The following WWC1 variants were observed in gnomAD, a reference collection of about 807,000 sequenced individuals.
The protein encoded by WWC1 is WW and C2 domain containing 1, also known as protein KIBRA.
In WWC1, 55 loss-of-function variants were observed where a neutral mutation model predicts 138.4. The observed-to-expected ratio is 0.40, with a 90% CI of 0.32 to 0.50. The LOEUF is 0.50. Among genes scored for constraint, WWC1 ranks in the 20% least tolerant of loss-of-function variants. The pLI, the probability that WWC1 is intolerant of heterozygous loss-of-function variation, is 0.72. For missense variants in WWC1, 1,226 were observed against 1,420.4 expected (o/e 0.86, Z 2.20); for synonymous variants, 524 against 564.9 (o/e 0.93, Z 1.03).
chr5:168,366,546 G>A lies in WWC1; in HGVS notation c.120-4878G>A, dbSNP rs1417977599. ...CTGCTTTATTTCTCTTGGGCACAGT[G>A]TCTGTGTTCACTGCAAGTGGAATCA... On this transcript the variant is annotated intron_variant, in intron 1 of 22. Transcript: ENST00000265293. 5.3e-5 allele frequency among the ~76,000 whole-genome samples: 8 copies of A among 152,260 alleles called. No individual in the cohort carries two copies. In the East Asian group the frequency reaches 9.7e-4, roughly 18 times the overall value.
chr5:168,352,108 G>T (rs2152789706), intron 1 of WWC1, among the ~76,000 whole-genome samples: 1 of 152,266 alleles, frequency 6.6e-6, no homozygotes, highest in East Asian at 1.9e-4. Context: ...ACAAGGCCTG[G>T]CCCATGGCAA....
intron 16 of WWC1, among the ~76,000 whole-genome samples, chr5:168,442,500 T>C (rs992923312): frequency 2.7e-5 from 4 of 149,796 alleles, no homozygotes; most frequent in African/African-American, 9.8e-5. Flanking sequence ...TGAAGAAATA[T>C]ATGTAAAGAG....
At chr5:168,388,640 G>A (rs1403264311) in intron 3 of WWC1, among the ~76,000 whole-genome samples, 5 of 152,054 alleles carry the variant, frequency 3.3e-5, no homozygotes, top group Non-Finnish European at 7.4e-5. Flanking sequence ...GACCAGCCTG[G>A]CCAACATGGT....
chr5:168,406,265 G>T lies in WWC1; in HGVS notation c.658G>T (p.Glu220Ter). The T allele has an allele frequency of 6.2e-7, 1 of 1,614,082 alleles. No homozygotes were observed. Among genetic ancestry groups the T allele is most frequent in the Non-Finnish European group, 8.5e-7 (1 of 1,179,978 alleles). Residue 220 changes from glutamate to a stop codon, truncating the protein, a stop_gained, in exon 6 of 23, where the codon GAA becomes TAA. Coordinates refer to ENST00000265293, the MANE Select transcript of WWC1 (RefSeq NM_015238.3). LOFTEE classifies it high-confidence loss of function. Reference sequence around the variant, plus strand: ...GGATGAAGCTCAGGCTGTCTTGAGAGAAACAAAAGCCATCAAAAAGGCTAT... The same window carrying T: ...GGATGAAGCTCAGGCTGTCTTGAGATAAACAAAAGCCATCAAAAAGGCTAT... ...KLDEAQAVLR[E>*]TKAIKKAITC...
At chr5:168,417,313 C>T (rs1307467535) in intron 9 of WWC1, among the ~76,000 whole-genome samples, 5 of 152,086 alleles carry the variant, frequency 3.3e-5, no homozygotes, top group African/African-American at 9.7e-5. Flanking sequence ...GGCAGTTAGA[C>T]GAGGCTGTGA....
intron 2 of WWC1, among the ~76,000 whole-genome samples, chr5:168,374,882 A>G (rs1013243515): frequency 6.6e-6 from 1 of 152,232 alleles, no homozygotes. Context: ...AGGTAGAGAC[A>G]GCAGGATTTC....
rs569382597 is a variant in WWC1 at position 168,428,844 on chromosome 5, A to C, written c.2000+57A>C. The C allele has an allele frequency of 1.2e-4, 184 of 1,583,092 alleles. No homozygotes were observed. The African/African-American group carries it at 2.3e-3, about 20-fold the overall frequency. On this transcript the variant is annotated intron_variant, in intron 13 of 22. Transcript: ENST00000265293. ...ACGGTCTGTGTGGGGTCCCTTCTTC[A>C]TCCACAGCGTTCCCCAGCATTTACC...
chr5:168,403,004 CTTTTTCTT>C (rs1405502245), intron 5 of WWC1, among the ~76,000 whole-genome samples: 3,690 of 125,416 alleles, frequency 0.029, 74 homozygotes, highest in South Asian at 0.057. Flanking sequence ...TCTGTTGTTT[CTTTTTCTT>C]TCTTTCTTTC....
intron 4 of WWC1, 145 bp from the exon 5 acceptor site, chr5:168,399,343 C>A: frequency 1.4e-6 from 1 of 724,948 alleles, no homozygotes; most frequent in Non-Finnish European, 2.3e-6. Context: ...GGAGGGGGCT[C>A]TGACCAGTGT....
chr5:168,433,582 C>A (rs1582282575), intron 15 of WWC1, among the ~76,000 whole-genome samples: 1 of 152,138 alleles, frequency 6.6e-6, no homozygotes, highest in African/African-American at 2.4e-5. Context: ...TGCTCTCAGT[C>A]TCTGGAGTGC....
At chr5:168,315,802 G>A (rs999552293) in intron 1 of WWC1, among the ~76,000 whole-genome samples, 2 of 152,234 alleles carry the variant, frequency 1.3e-5, no homozygotes, top group African/African-American at 2.4e-5. Context: ...TCCTCTCCTG[G>A]TGAGTCTGAA....
intron 8 of WWC1, among the ~76,000 whole-genome samples, chr5:168,412,980 A>T (rs1389515012): frequency 6.6e-6 from 1 of 152,172 alleles, no homozygotes; most frequent in African/African-American, 2.4e-5. Flanking sequence ...TCCTCCTGGG[A>T]CACTTGCCTG....
intron 1 of WWC1, among the ~76,000 whole-genome samples, chr5:168,338,480 C>T (rs141561749): frequency 0.011 from 1,631 of 150,636 alleles, 30 homozygotes; most frequent in African/African-American, 0.038. Context: ...GGCGCCATCT[C>T]AGCTCACTGC....
intron 1 of WWC1, among the ~76,000 whole-genome samples, chr5:168,306,935 G>A (rs970482113): frequency 2.0e-5 from 3 of 152,184 alleles, no homozygotes; most frequent in Admixed American, 6.5e-5. Flanking sequence ...TGGGGGCTAG[G>A]CCTTCCTTTC....
rs1268730037 is a variant in WWC1 at position 168,292,640 on chromosome 5, C to A, written c.119+369C>A. 6.6e-6 allele frequency among the ~76,000 whole-genome samples: 1 copy of A among 150,482 alleles called. No homozygotes were observed. The highest frequency in any genetic ancestry group is 2.4e-5 in the African/African-American group (1 of 41,064). ...GGGGAGCGACCTAGCCGGGTGAAGC[C>A]GGGTCTTCCCGGGGAGGCTTCCACC... is the stretch of plus-strand genomic sequence containing the variant. On this transcript the variant is annotated intron_variant, in intron 1 of 22. Coordinates refer to ENST00000265293, the MANE Select transcript of WWC1 (RefSeq NM_015238.3). The surrounding 1 kb of genome is among the most constrained non-coding windows in gnomAD (Gnocchi z 4.4).
Position 168,417,125 on chromosome 5 carries a change from C to T in WWC1, c.1184+2535C>T, listed in dbSNP as rs552627967. On this transcript the variant is annotated intron_variant, in intron 9 of 22. Transcript: ENST00000265293. ...CAGGTGATCCACGTGCCTCGGCCTT[C>T]CAAAGTGCTGAGATTACAGGCATGA... 2.5e-3 allele frequency among the ~76,000 whole-genome samples: 374 copies of T among 152,254 alleles called. 3 individuals carry two copies. Among genetic ancestry groups the T allele is most frequent in the Admixed American group, 4.2e-3 (65 of 15,300 alleles).
intron 19 of WWC1, 74 bp downstream of exon 19, chr5:168,455,594 C>G: frequency 6.4e-7 from 1 of 1,552,998 alleles, no homozygotes; most frequent in Non-Finnish European, 8.7e-7. Flanking sequence ...GGTGCAAATC[C>G]CATTACTCTC....
intron 3 of WWC1, among the ~76,000 whole-genome samples, chr5:168,396,235 T>C (rs1778892495): frequency 6.6e-6 from 1 of 152,084 alleles, no homozygotes; most frequent in African/African-American, 2.4e-5. Flanking sequence ...AATACAAAAT[T>C]ATCCGGGCAT....
chr5:168,408,398 A>C (rs1174344186), intron 6 of WWC1, 109 bp from the exon 7 acceptor site: 59 of 1,319,830 alleles, frequency 4.5e-5, no homozygotes, highest in Non-Finnish European at 5.8e-5. Flanking sequence ...TGGGGAGGGC[A>C]CAGGTTCCTA....
Sources: allele counts gnomAD v4.1 joint callset (sites outside exome capture counted in the v4.1 genomes callset), GRCh38; gene constraint gnomAD v4.1.1; non-coding constraint Gnocchi (gnomAD v3.1); transcripts MANE v1.5; gene names NCBI Gene and HGNC (gene_info 2026-07-23, HGNC 2026-07-21).